CFAP74: variants seen among roughly 807,000 people sequenced by gnomAD.
CFAP74 encodes the protein cilia and flagella associated protein 74, also known as cilia- and flagella-associated protein 74.
CFAP74 carries 124 observed loss-of-function variants against 188.9 expected under a neutral mutation model. The observed-to-expected ratio is 0.66, with a 90% CI of 0.57 to 0.76. The LOEUF (loss-of-function observed/expected upper bound fraction) is 0.76, where lower values mean the gene tolerates loss of function less well. CFAP74 is among the 30% of genes least tolerant of loss of function. CFAP74 has a pLI of 0.00. For synonymous variants in CFAP74, 956 were observed against 916.7 expected, an observed-to-expected ratio of 1.04 and a Z score of -0.77; for missense variants, 2,198 against 2,165.2, an observed-to-expected ratio of 1.02 and a Z score of -0.30.
rs1190490713 is a variant in CFAP74, at chr1:1,975,346, C to A, written c.501-1148G>T. 6.6e-6 allele frequency among the ~76,000 whole-genome samples: 1 copy of A among 152,196 alleles called. No individual in the cohort carries two copies. The highest frequency in any genetic ancestry group is 1.5e-5 in the Non-Finnish European group (1 of 68,040). ...TTTAACGTGTTAATGTCAAGGATTT[C>A]TAACGTTGAGCCTTTTTCGGGGCTC... On this transcript the variant is annotated intron_variant, in intron 6 of 38. Coordinates refer to ENST00000682832, the MANE Select transcript of CFAP74 (RefSeq NM_001304360.2). The surrounding 1 kb of genome is among the most constrained non-coding windows in gnomAD (Gnocchi z 4.5).
At chr1:1,986,469 A>C (rs4648750) in intron 5 of CFAP74, among the ~76,000 whole-genome samples, 46,068 of 152,064 alleles carry the variant, frequency 0.3, 7,257 homozygotes, top group Non-Finnish European at 0.34. Context: ...GCTGGGCTGA[A>C]CTCGGCAGGC....
chr1:1,939,261 C>T (rs778705695), intron 24 of CFAP74, among the ~76,000 whole-genome samples: 8 of 152,182 alleles, frequency 5.3e-5, no homozygotes, highest in African/African-American at 7.2e-5. Flanking sequence ...GCGGTGTTGG[C>T]GGCGGGGCAG....
chr1:1,922,509 CT>C, intron 38 of CFAP74, 79 bp downstream of exon 38: 2 of 1,568,786 alleles, frequency 1.3e-6, no homozygotes, highest in Non-Finnish European at 8.6e-7. Flanking sequence ...ACCTCCTCCC[CT>C]GGGACTGGGC....
At chr1:1,953,119 T>C (rs916298537) in intron 18 of CFAP74, among the ~76,000 whole-genome samples, 2 of 152,016 alleles carry the variant, frequency 1.3e-5, no homozygotes, top group Non-Finnish European at 2.9e-5. Flanking sequence ...CTAATGCAAA[T>C]ATTGTGGAAA....
intron 37 of CFAP74, 109 bp downstream of exon 37, chr1:1,922,876 G>C: frequency 6.7e-7 from 1 of 1,492,066 alleles, no homozygotes; most frequent in East Asian, 2.3e-5. Context: ...GAAAAGCCCG[G>C]CTGTCAGGAC....
At chr1:1,990,804 A>G (rs887856202) in intron 2 of CFAP74, 86 bp downstream of exon 2, 1 of 969,396 alleles carries the variant, frequency 1.0e-6, no homozygotes, top group African/African-American at 1.6e-5. Context: ...TCCCAGAAAT[A>G]AAGGGAATTA....
In CFAP74 at chr1:1,956,754, C is replaced by A. The variant is rs3820011; in HGVS notation, c.1882G>T (p.Gly628Cys). Residue 628 changes from glycine to cysteine, a missense_variant, in exon 17 of 39, where the codon GGC becomes TGC. Coordinates refer to ENST00000682832, the MANE Select transcript of CFAP74 (RefSeq NM_001304360.2). Reference protein sequence around the residue: ...LSLDKELIDFGSYVVGETTSR... With the variant: ...LSLDKELIDFCSYVVGETTSR... Reference sequence around the variant, plus strand: ...GTGGTCTCTCCTACCACGTAGCTGCCGAAGTCAATGAGCTCCTTGTCGAGG... The same window carrying A: ...GTGGTCTCTCCTACCACGTAGCTGCAGAAGTCAATGAGCTCCTTGTCGAGG... The A allele has an allele frequency of 0.26, 413,664 of 1,612,586 alleles. 54,564 individuals are homozygous for A. Among genetic ancestry groups the A allele is most frequent in the Non-Finnish European group, 0.27 (321,556 of 1,179,200 alleles).
intron 1 of CFAP74, among the ~76,000 whole-genome samples, chr1:1,995,634 G>A (rs1657878138): frequency 6.6e-6 from 1 of 152,122 alleles, no homozygotes; most frequent in African/African-American, 2.4e-5. Flanking sequence ...AACAGGCCGG[G>A]CTCGGTGGCT....
At chr1:1,964,269 A>G (rs1308997627) in intron 13 of CFAP74, among the ~76,000 whole-genome samples, 1 of 152,200 alleles carries the variant, frequency 6.6e-6, no homozygotes, top group Non-Finnish European at 1.5e-5. Context: ...CACCAACCTC[A>G]GCCTCACATG....
chr1:1,985,389 C>A lies in CFAP74; in HGVS notation c.497G>T (p.Ser166Ile). 6.2e-7 allele frequency: 1 copy of A among 1,613,704 alleles called. No homozygotes were observed. The highest frequency in any genetic ancestry group is 2.2e-5 in the East Asian group (1 of 44,886). Reference sequence around the variant, plus strand: ...TCCCGGCTGCACACCGACTCACTCGCTCTCCTTCAGCACGGCCTCAGTCCT... The same window carrying A: ...TCCCGGCTGCACACCGACTCACTCGATCTCCTTCAGCACGGCCTCAGTCCT... Reference protein sequence around the residue: ...QSRTEAVLKESENTMWHIEIQ... With the variant: ...QSRTEAVLKEIENTMWHIEIQ... The change falls in exon 6 of 39, where the codon AGC becomes ATC. Residue 166 changes from serine to isoleucine, a missense_variant. By Grantham distance (142) the Ser-to-Ile change is moderately radical. Transcript: ENST00000682832.
intron 14 of CFAP74, 40 bp from the exon 15 acceptor site, chr1:1,960,070 C>T (rs540283635): frequency 9.0e-6 from 14 of 1,551,642 alleles, no homozygotes; most frequent in African/African-American, 2.8e-5. Context: ...GTTAGTGCTG[C>T]GGAGGGCAGA....
chr1:2,000,950 C>G (rs1291591502), intron 1 of CFAP74, among the ~76,000 whole-genome samples: 1 of 152,202 alleles, frequency 6.6e-6, no homozygotes, highest in East Asian at 1.9e-4. Flanking sequence ...TTCCTCTCCC[C>G]CTTCCCTTCA....
rs1653227475 is a variant in CFAP74, at chr1:1,939,695, C to T, written c.2776G>A (p.Asp926Asn). Residue 926 changes from aspartate (D) to asparagine (N), a missense_variant, in exon 24 of 39, where the codon GAT (aspartate) becomes AAT (asparagine). Coordinates refer to ENST00000682832, the MANE Select transcript of CFAP74 (RefSeq NM_001304360.2). ...TCATAGATGGTGCAGTAGCCAAAATCCACCTCCGAGGGACTGAGCTCCAGG... is the reference window on the plus strand; with the variant it reads ...TCATAGATGGTGCAGTAGCCAAAATTCACCTCCGAGGGACTGAGCTCCAGG... Reference protein sequence around the residue: ...SDLELSPSEVDFGYCTIYEAI... With the variant: ...SDLELSPSEVNFGYCTIYEAI... The T allele has an allele frequency of 6.5e-7, 1 of 1,536,076 alleles. No individual in the cohort carries two copies. The highest frequency in any genetic ancestry group is 8.7e-7 in the Non-Finnish European group (1 of 1,146,880).
chr1:1,970,938 C>A, intron 9 of CFAP74, 122 bp from the exon 10 acceptor site: 1 of 1,186,502 alleles, frequency 8.4e-7, no homozygotes, highest in Non-Finnish European at 1.2e-6. Context: ...TGCACACACA[C>A]ATGCACACCT....
intron 10 of CFAP74, 55 bp downstream of exon 10, chr1:1,970,604 T>C (rs1655881868): frequency 6.5e-6 from 10 of 1,546,620 alleles, no homozygotes; most frequent in Admixed American, 1.9e-5. Flanking sequence ...TGGCTCTCCC[T>C]GCACCCACTG....
intron 18 of CFAP74, among the ~76,000 whole-genome samples, chr1:1,949,315 T>A (rs1175320916): frequency 6.6e-6 from 1 of 151,776 alleles, no homozygotes; most frequent in Admixed American, 6.6e-5. Flanking sequence ...CGTGCCACGA[T>A]GTCTGGCAAA....
intron 19 of CFAP74, 139 bp from the exon 20 acceptor site, chr1:1,946,578 G>T: frequency 1.8e-6 from 2 of 1,102,344 alleles, no homozygotes; most frequent in Non-Finnish European, 2.5e-6. Context: ...GGCCACAGAT[G>T]TCCTGGGCCT....
At chr1:1,989,525 A>C (rs575339112) in intron 2 of CFAP74, among the ~76,000 whole-genome samples, 14 of 152,186 alleles carry the variant, frequency 9.2e-5, no homozygotes, top group African/African-American at 3.4e-4. Flanking sequence ...CGGTGGCGTG[A>C]TCTTGGCTCT....
intron 6 of CFAP74, 119 bp downstream of exon 6, chr1:1,985,267 C>T: frequency 1.3e-6 from 1 of 782,418 alleles, no homozygotes; most frequent in East Asian, 2.5e-5. Flanking sequence ...TTTCCACTTC[C>T]CCGCAGTTTG....
Sources: gnomAD v4.1 joint callset for allele counts (sites outside exome capture counted in the v4.1 genomes callset) on GRCh38, gnomAD v4.1.1 for gene constraint, Gnocchi (gnomAD v3.1) non-coding constraint, MANE v1.5 for transcripts, NCBI Gene and HGNC (gene_info 2026-07-23, HGNC 2026-07-21) for gene names.